The following EML6 variants were observed in gnomAD, a reference collection of about 807,000 sequenced individuals.
EML6 encodes echinoderm microtubule-associated protein-like 6.
EML6 carries 154 observed loss-of-function variants against 240.1 expected under a neutral mutation model. That is an observed-to-expected ratio of 0.64 (90% CI 0.56 to 0.73). The LOEUF is 0.73. Among genes scored for constraint, EML6 ranks in the 30% least tolerant of loss-of-function variants. EML6 has a pLI of 0.00. For missense variants in EML6, 2,964 were observed against 2,474.6 expected (o/e 1.20, Z -4.20); for synonymous variants, 1,148 against 899.0 (o/e 1.28, Z -4.95).
Position 54,954,104 on chromosome 2 carries a change from G to T in EML6, c.4434G>T (p.Val1478=). 6.4e-7 allele frequency: 1 copy of T among 1,551,696 alleles called. No individual in the cohort carries two copies. Among genetic ancestry groups the T allele is most frequent in the Non-Finnish European group, 8.7e-7 (1 of 1,146,996 alleles). The stretch of plus-strand genomic sequence containing the variant: ...TCAGTGCAACTGGAAAGCTCCTGGT[G>T]TCGGTGGGAGTGGACCCTGAGCACA... ...INFSATGKLL[V]SVGVDPEHTI... is the part of the protein sequence containing the mutation. The change falls in exon 32 of 42, where the codon GTG becomes GTT. Residue 1478 remains valine (V), a synonymous_variant. Transcript: ENST00000356458.
Position 54,968,246 on chromosome 2 carries a change from G to T in EML6, c.5716G>T (p.Val1906Leu). The T allele has an allele frequency of 1.3e-6, 2 of 1,551,744 alleles. No individual in the cohort carries two copies. The highest frequency in any genetic ancestry group is 1.7e-6 in the Non-Finnish European group (2 of 1,146,994). Residue 1906 changes from valine to leucine, a missense_variant, in exon 40 of 42, where the codon GTG becomes TTG. Val to Leu is a conservative substitution (Grantham distance 32). Coordinates refer to ENST00000356458, the MANE Select transcript of EML6 (RefSeq NM_001039753.4). ...NIVTGDDFGL[V>L]KLFDFPCTEK... is the part of the protein sequence containing the mutation. Reference sequence around the variant, plus strand: ...TGTCACAGGAGATGACTTTGGGCTGGTGAAGCTCTTTGATTTTCCATGCAC... The same window carrying T: ...TGTCACAGGAGATGACTTTGGGCTGTTGAAGCTCTTTGATTTTCCATGCAC...
intron 7 of EML6, among the ~76,000 whole-genome samples, chr2:54,830,480 A>G (rs531493303): frequency 2.6e-4 from 40 of 152,316 alleles, no homozygotes; most frequent in African/African-American, 8.7e-4. Context: ...ACCCTGTGAC[A>G]TAGGGCTCAA....
chr2:54,926,129 A>C (rs1352261933), intron 26 of EML6, among the ~76,000 whole-genome samples: 2 of 152,144 alleles, frequency 1.3e-5, no homozygotes, highest in African/African-American at 4.8e-5. Context: ...TTTAAGATGG[A>C]GTCTCACTGT....
At chr2:54,970,021 CAAGTATGATGT>C in intron 41 of EML6, 39 bp from the exon 42 acceptor site, 1 of 1,546,920 alleles carries the variant, frequency 6.5e-7, no homozygotes, top group South Asian at 1.2e-5. Flanking sequence ...CCACTTGACA[CAAGTATGATGT>C]CCAGCTATGC....
chr2:54,889,093 A>ATACAC (rs1196927664), intron 17 of EML6, among the ~76,000 whole-genome samples: 3 of 152,160 alleles, frequency 2.0e-5, no homozygotes, highest in African/African-American at 7.2e-5. Context: ...TGTCTTTGTT[A>ATACAC]TACACTACAT....
intron 28 of EML6, among the ~76,000 whole-genome samples, chr2:54,929,713 TCC>T (rs749681047): frequency 1.3e-5 from 2 of 151,858 alleles, no homozygotes; most frequent in African/African-American, 2.4e-5. Context: ...CTCCTCCTCC[TCC>T]TCCTCCTCCT....
In EML6 at chr2:54,725,090, A is replaced by T; in HGVS notation, c.29A>T (p.Gln10Leu). The change falls in exon 2 of 42, where the codon CAG (glutamine) becomes CTG (leucine). Residue 10 changes from glutamine to leucine, a missense_variant. Coordinates refer to ENST00000356458, the MANE Select transcript of EML6 (RefSeq NM_001039753.4). The surrounding 1 kb of genome is among the most constrained non-coding windows in gnomAD (Gnocchi z 4.3). MADRTAPRCQLRLEWVYGYR... is the reference protein window; with the variant it reads MADRTAPRCLLRLEWVYGYR... Reference sequence around the variant, plus strand: ...GCGGATCGGACGGCGCCCCGCTGCCAGCTCCGGCTGGAGTGGGTGTACGGG... The same window carrying T: ...GCGGATCGGACGGCGCCCCGCTGCCTGCTCCGGCTGGAGTGGGTGTACGGG... 6.5e-7 allele frequency: 1 copy of T among 1,530,124 alleles called. No homozygotes were observed. The highest frequency in any genetic ancestry group is 8.8e-7 in the Non-Finnish European group (1 of 1,138,006). The allele number at this position is 1,530,124 out of a possible 1,614,324, so 94.8% of individuals were successfully genotyped here. A position where few individuals can be genotyped will look rare whatever the true frequency, so the allele number is the denominator to read the frequency against.
At chr2:54,961,196 T>TTTTGTTTTTTTG in intron 35 of EML6, among the ~76,000 whole-genome samples, 1 of 119,782 alleles carries the variant, frequency 8.3e-6, no homozygotes, top group Non-Finnish European at 1.7e-5. Flanking sequence ...TTTTTTTTTT[T>TTTTGTTTTTTTG]TTTTTTTGAG....
intron 28 of EML6, among the ~76,000 whole-genome samples, chr2:54,942,051 T>C (rs116092930): frequency 5.1e-4 from 77 of 152,380 alleles, no homozygotes; most frequent in African/African-American, 1.8e-3. Context: ...AATATGATGC[T>C]ATTTTCATAA....
At chr2:54,908,904 G>A (rs1429450657) in intron 24 of EML6, among the ~76,000 whole-genome samples, 1 of 152,190 alleles carries the variant, frequency 6.6e-6, no homozygotes, top group African/African-American at 2.4e-5. Flanking sequence ...GCAGTTCTCG[G>A]GGAAGGGGCA....
intron 28 of EML6, among the ~76,000 whole-genome samples, chr2:54,948,245 A>T (rs925729864): frequency 6.6e-6 from 1 of 152,156 alleles, no homozygotes; most frequent in African/African-American, 2.4e-5. Context: ...GGGAAAAGCA[A>T]CCTTTGGTGT....
At chr2:54,750,720 C>T (rs184974437) in intron 2 of EML6, among the ~76,000 whole-genome samples, 68 of 152,270 alleles carry the variant, frequency 4.5e-4, no homozygotes, top group Middle Eastern at 3.4e-3. Flanking sequence ...TTTCCAGCCT[C>T]TCAGCTCAAG....
chr2:54,877,524 G>A (rs558086715), intron 16 of EML6, among the ~76,000 whole-genome samples: 3 of 152,260 alleles, frequency 2.0e-5, no homozygotes, highest in African/African-American at 7.2e-5. Flanking sequence ...ATCAAGTGCA[G>A]AGGCATGCCA....
intron 2 of EML6, among the ~76,000 whole-genome samples, chr2:54,798,466 C>G (rs1384727715): frequency 1.3e-5 from 2 of 152,186 alleles, no homozygotes; most frequent in African/African-American, 4.8e-5. Context: ...AGCGACCACA[C>G]CCGGCCATTT....
chr2:54,961,727 G>T (rs536316176), intron 35 of EML6, among the ~76,000 whole-genome samples: 1 of 152,068 alleles, frequency 6.6e-6, no homozygotes, highest in East Asian at 2.0e-4. Flanking sequence ...CACTGGCCAG[G>T]CATGGTGGCT....
intron 38 of EML6, among the ~76,000 whole-genome samples, chr2:54,964,951 G>A (rs1285762683): frequency 6.6e-6 from 1 of 152,204 alleles, no homozygotes; most frequent in Non-Finnish European, 1.5e-5. Context: ...AAATAATAAA[G>A]AGTAAGAAAA....
intron 28 of EML6, among the ~76,000 whole-genome samples, chr2:54,937,804 C>G (rs1675226403): frequency 6.6e-6 from 1 of 152,126 alleles, no homozygotes; most frequent in South Asian, 2.1e-4. Flanking sequence ...TTTATATACT[C>G]TATCAATCAA....
chr2:54,810,161 G>T (rs1667760514), intron 2 of EML6, among the ~76,000 whole-genome samples: 1 of 152,122 alleles, frequency 6.6e-6, no homozygotes, highest in Non-Finnish European at 1.5e-5. Flanking sequence ...CTGGAGAAAG[G>T]GCTGTAAAGA....
At chr2:54,772,588 A>G (rs918261186) in intron 2 of EML6, among the ~76,000 whole-genome samples, 1 of 152,234 alleles carries the variant, frequency 6.6e-6, no homozygotes, top group Non-Finnish European at 1.5e-5. Flanking sequence ...GCAAAAATTT[A>G]CTGAATGCCT....
Sources: gnomAD v4.1 joint callset for allele counts (sites outside exome capture counted in the v4.1 genomes callset) on GRCh38, gnomAD v4.1.1 for gene constraint, Gnocchi (gnomAD v3.1) non-coding constraint, MANE v1.5 for transcripts, NCBI Gene and HGNC (gene_info 2026-07-23, HGNC 2026-07-21) for gene names.